STK32C: variants seen among roughly 807,000 people sequenced by gnomAD.
STK32C encodes the protein serine/threonine kinase 32C.
STK32C carries 31 observed loss-of-function variants against 56.5 expected under a neutral mutation model. That is an observed-to-expected ratio of 0.55 (90% CI 0.41 to 0.74). The LOEUF is 0.74. Among genes scored for constraint, STK32C ranks in the 30% least tolerant of loss-of-function variants. The pLI is 0.00. For missense variants in STK32C, 544 were observed against 676.9 expected, an observed-to-expected ratio of 0.80 and a Z score of 2.18; for synonymous variants, 309 against 289.4, an observed-to-expected ratio of 1.07 and a Z score of -0.69.
upstream of STK32C, among the ~76,000 whole-genome samples, chr10:132,309,858 G>A (rs1322724724): frequency 6.6e-6 from 1 of 152,148 alleles, no homozygotes; most frequent in Admixed American, 6.5e-5. Context: ...TGGCAGAAAA[G>A]GAATAAAAGA....
intron 1 of STK32C, among the ~76,000 whole-genome samples, chr10:132,270,160 G>A (rs1237258688): frequency 2.0e-5 from 3 of 152,266 alleles, no homozygotes; most frequent in Admixed American, 2.0e-4. Context: ...CACACAGCCT[G>A]TGGGTGGCTG....
intron 1 of STK32C, among the ~76,000 whole-genome samples, chr10:132,285,373 A>G (rs1284753303): frequency 2.6e-5 from 4 of 152,266 alleles, no homozygotes; most frequent in Admixed American, 6.5e-5. Context: ...AAGGAAAACC[A>G]TATCAATAAT....
intron 1 of STK32C, among the ~76,000 whole-genome samples, chr10:132,250,923 A>G (rs950644101): frequency 1.2e-4 from 18 of 152,132 alleles, no homozygotes; most frequent in Non-Finnish European, 1.8e-4. Flanking sequence ...GGCCACCTCC[A>G]CGCCCACCTC....
downstream of STK32C, among the ~76,000 whole-genome samples, chr10:132,319,639 A>G (rs1042153374): frequency 1.3e-5 from 2 of 152,236 alleles, no homozygotes; most frequent in Non-Finnish European, 2.9e-5. Flanking sequence ...AAATGTGTAG[A>G]GTCAGTGCTT....
chr10:132,301,306 C>T (rs376244253), intron 1 of STK32C, among the ~76,000 whole-genome samples: 13 of 152,298 alleles, frequency 8.5e-5, no homozygotes, highest in African/African-American at 3.1e-4. Flanking sequence ...GATGCAGCTC[C>T]GAGCTTCCCA....
At chr10:132,300,260 G>A (rs567728997) in intron 1 of STK32C, among the ~76,000 whole-genome samples, 3 of 152,186 alleles carry the variant, frequency 2.0e-5, no homozygotes, top group Non-Finnish European at 2.9e-5. Flanking sequence ...AATTGGGGGC[G>A]ACACTGACTC....
chr10:132,298,332 C>T (rs535451083), intron 1 of STK32C, among the ~76,000 whole-genome samples: 1 of 152,362 alleles, frequency 6.6e-6, no homozygotes, highest in South Asian at 2.1e-4. Flanking sequence ...TTCTACTCTG[C>T]GTCTGTGGGC....
intron 1 of STK32C, among the ~76,000 whole-genome samples, chr10:132,327,418 C>G (rs1431305317): frequency 6.6e-6 from 1 of 152,122 alleles, no homozygotes; most frequent in Non-Finnish European, 1.5e-5. Context: ...CAAACTAATA[C>G]AGAGGCCCTC....
chr10:132,269,534 C>T (rs778906608), intron 1 of STK32C, among the ~76,000 whole-genome samples: 1 of 152,226 alleles, frequency 6.6e-6, no homozygotes, highest in Non-Finnish European at 1.5e-5. Flanking sequence ...CACTGCTCTG[C>T]TAAGAGCCAG....
intron 2 of STK32C, among the ~76,000 whole-genome samples, chr10:132,240,090 C>T (rs888116311): frequency 1.3e-5 from 2 of 152,002 alleles, no homozygotes; most frequent in Admixed American, 6.6e-5. Context: ...AAAGAAGACC[C>T]CCAGGGAAGC....
At chr10:132,234,459 A>C (rs996887952) in intron 2 of STK32C, among the ~76,000 whole-genome samples, 1 of 152,154 alleles carries the variant, frequency 6.6e-6, no homozygotes, top group African/African-American at 2.4e-5. Flanking sequence ...CCCTGCTGCT[A>C]GGTGAGGTCT....
At chr10:132,282,591 C>T (rs1052737892) in intron 1 of STK32C, among the ~76,000 whole-genome samples, 1 of 152,212 alleles carries the variant, frequency 6.6e-6, no homozygotes, top group Non-Finnish European at 1.5e-5. Flanking sequence ...ATGGCTTCAC[C>T]AGGGGAAGTG....
intron 1 of STK32C, among the ~76,000 whole-genome samples, chr10:132,327,329 C>T (rs2066520130): frequency 6.6e-6 from 1 of 152,174 alleles, no homozygotes; most frequent in Admixed American, 6.5e-5. Flanking sequence ...TGAGGCCTCC[C>T]CGGCCATGTG....
chr10:132,306,084 A>G lies in STK32C; in HGVS notation c.262+1488T>C, dbSNP rs188902438. On this transcript the variant is annotated intron_variant, in intron 1 of 11. Transcript: ENST00000298630. Reference sequence around the variant, plus strand: ...TCTAGTGATCCTTGAATTCTGTGACATAACACACTGTGAACACACAGGGAA... The same window carrying G: ...TCTAGTGATCCTTGAATTCTGTGACGTAACACACTGTGAACACACAGGGAA... Among the ~76,000 whole-genome samples, 88 of 152,324 alleles carry G rather than the reference A, an allele frequency of 5.8e-4. 1 individual carries two copies. Among genetic ancestry groups the G allele is most frequent in the African/African-American group, 1.9e-3 (78 of 41,556 alleles).
intron 2 of STK32C, among the ~76,000 whole-genome samples, chr10:132,237,189 GGACTGTGCTCC>G (rs2063325032): frequency 1.9e-5 from 1 of 51,588 alleles, no homozygotes; most frequent in Non-Finnish European, 5.8e-5. Context: ...TGTGCTCCCT[GGACTGTGCTCC>G]CTGGACTGTG....
At chr10:132,315,683 G>C (rs1299894160) in intron 1 of STK32C, among the ~76,000 whole-genome samples, 1 of 152,152 alleles carries the variant, frequency 6.6e-6, no homozygotes, top group Non-Finnish European at 1.5e-5. Flanking sequence ...AATTACTAAG[G>C]ATATAGAAGT....
At chr10:132,300,099 G>A (rs2065869159) in intron 1 of STK32C, among the ~76,000 whole-genome samples, 1 of 152,380 alleles carries the variant, frequency 6.6e-6, no homozygotes, top group East Asian at 1.9e-4. Flanking sequence ...CAAACACAGA[G>A]GCGCCTCTCT....
intron 1 of STK32C, among the ~76,000 whole-genome samples, chr10:132,316,739 G>A (rs2066317240): frequency 6.6e-6 from 1 of 152,066 alleles, no homozygotes; most frequent in Non-Finnish European, 1.5e-5. Context: ...ATGAAGAAAA[G>A]GCTATCATTC....
At chr10:132,251,539 C>T (rs1269305149) in intron 1 of STK32C, among the ~76,000 whole-genome samples, 2 of 151,814 alleles carry the variant, frequency 1.3e-5, no homozygotes, top group African/African-American at 2.4e-5. Flanking sequence ...CATCTCTTTA[C>T]CCCACCTCGC....
Sources: allele counts gnomAD v4.1 joint callset (sites outside exome capture counted in the v4.1 genomes callset), GRCh38; gene constraint gnomAD v4.1.1; transcripts MANE v1.5; gene names NCBI Gene and HGNC (gene_info 2026-07-23, HGNC 2026-07-21).